Variants in PLEKHG1 observed in about 807,000 individuals in gnomAD.
The protein encoded by PLEKHG1 is pleckstrin homology and RhoGEF domain containing G1.
PLEKHG1 carries 44 observed loss-of-function variants against 100.8 expected under a neutral mutation model. That is an observed-to-expected ratio of 0.44 (90% CI 0.34 to 0.56). PLEKHG1 has a LOEUF of 0.56. PLEKHG1 is among the 20% of genes least tolerant of loss of function. The probability of loss-of-function intolerance (pLI) is 0.01; values close to 1 mark genes in which losing one functional copy is unlikely to be tolerated. For missense variants in PLEKHG1, 1,545 were observed against 1,720.9 expected, an observed-to-expected ratio of 0.90 and a Z score of 1.81; for synonymous variants, 640 against 662.5, an observed-to-expected ratio of 0.97 and a Z score of 0.52.
chr6:150,650,368 A>G (rs1582883401), intron 2 of PLEKHG1, among the ~76,000 whole-genome samples: 1 of 152,306 alleles, frequency 6.6e-6, no homozygotes, highest in Non-Finnish European at 1.5e-5. Context: ...GGTTTCTGGC[A>G]AGTCACTGAA....
intron 3 of PLEKHG1, among the ~76,000 whole-genome samples, chr6:150,671,370 T>C (rs555448721): frequency 7.2e-5 from 11 of 152,286 alleles, no homozygotes; most frequent in Admixed American, 4.6e-4. Flanking sequence ...GTAGAAGTGT[T>C]CCCTGTTCAC....
At chr6:150,606,884 A>G (rs1311219235) in intron 1 of PLEKHG1, among the ~76,000 whole-genome samples, 1 of 151,976 alleles carries the variant, frequency 6.6e-6, no homozygotes, top group Non-Finnish European at 1.5e-5. Flanking sequence ...GGCATTCTTC[A>G]GCTCCTCCCA....
chr6:150,813,071 G>A (rs995067235), intron 10 of PLEKHG1, among the ~76,000 whole-genome samples: 1 of 151,926 alleles, frequency 6.6e-6, no homozygotes, highest in Non-Finnish European at 1.5e-5. Context: ...TTTGGGAGGC[G>A]GAGGCGGGCA....
intron 2 of PLEKHG1, among the ~76,000 whole-genome samples, chr6:150,747,547 GA>G (rs756586897): frequency 1.1e-4 from 17 of 152,128 alleles, no homozygotes; most frequent in Non-Finnish European, 1.9e-4. Flanking sequence ...CAGCTTTCAT[GA>G]AATTTTTTAA....
intron 7 of PLEKHG1, among the ~76,000 whole-genome samples, chr6:150,806,122 G>GAATA (rs1362371374): frequency 6.7e-6 from 1 of 149,976 alleles, no homozygotes; most frequent in South Asian, 2.1e-4. Context: ...TCATAAGTCA[G>GAATA]AATAAACTCT....
intron 14 of PLEKHG1, among the ~76,000 whole-genome samples, chr6:150,824,741 G>A (rs1375340863): frequency 2.0e-5 from 3 of 152,040 alleles, no homozygotes; most frequent in African/African-American, 4.8e-5. Flanking sequence ...AGTTGGCAAC[G>A]CCAGTCTGGA....
intron 3 of PLEKHG1, among the ~76,000 whole-genome samples, chr6:150,701,456 T>TATATATAA (rs1780780278): frequency 1.2e-5 from 1 of 82,060 alleles, no homozygotes; most frequent in Middle Eastern, 4.7e-3. Flanking sequence ...TATATATATA[T>TATATATAA]ATATATATAT....
At position 150,817,592 on chromosome 6, in the gene PLEKHG1, C is replaced by G. The variant is rs565384802; in HGVS notation, c.1279-591C>G. Among the ~76,000 whole-genome samples, 333 of 134,546 alleles carry G rather than the reference C, an allele frequency of 2.5e-3. 4 individuals carry two copies. Among genetic ancestry groups the G allele is most frequent in the African/African-American group, 8.9e-3 (308 of 34,470 alleles). 88.3% of individuals were successfully genotyped at this position (134,546 alleles called of 152,430 possible). A position where few individuals can be genotyped will look rare whatever the true frequency, so the allele number is the denominator to read the frequency against. ...TTTTTTTTTGAGACGGAGTCTTGCTCTGTCGCCCAGGCTAGAGTGCAGTGG... is the reference window on the plus strand; with the variant it reads ...TTTTTTTTTGAGACGGAGTCTTGCTGTGTCGCCCAGGCTAGAGTGCAGTGG... On this transcript the variant is annotated intron_variant, in intron 10 of 15. Coordinates refer to ENST00000358517, the Ensembl canonical transcript of PLEKHG1.
intron 15 of PLEKHG1, among the ~76,000 whole-genome samples, chr6:150,832,545 A>T (rs1777007371): frequency 6.6e-6 from 1 of 152,168 alleles, no homozygotes; most frequent in South Asian, 2.1e-4. Context: ...CCAGTATATC[A>T]GTAATTTTTT....
chr6:150,821,501 T>A (rs1252954189), intron 13 of PLEKHG1, among the ~76,000 whole-genome samples: 8 of 152,026 alleles, frequency 5.3e-5, no homozygotes, highest in Admixed American at 5.2e-4. Flanking sequence ...CTGGCCAACA[T>A]GGTGAAACCC....
chr6:150,830,913 C>G, exon 15 of PLEKHG1: 1 of 1,614,132 alleles, frequency 6.2e-7, no homozygotes, highest in Non-Finnish European at 8.5e-7. Flanking sequence ...ACCTCCAGCT[C>G]TGGTCACAGG....
intron 3 of PLEKHG1, among the ~76,000 whole-genome samples, chr6:150,673,281 G>A (rs1474970958): frequency 1.3e-5 from 2 of 152,122 alleles, no homozygotes; most frequent in Non-Finnish European, 2.9e-5. Context: ...CTGTCTTCAA[G>A]CAAATGCACA....
chr6:150,802,314 G>A (rs1480238208), intron 6 of PLEKHG1, among the ~76,000 whole-genome samples: 7 of 151,682 alleles, frequency 4.6e-5, no homozygotes, highest in Non-Finnish European at 7.4e-5. Flanking sequence ...CTAAATCAGT[G>A]TCCAAATAAC....
intron 10 of PLEKHG1, among the ~76,000 whole-genome samples, chr6:150,815,333 C>T (rs1243990361): frequency 6.6e-6 from 1 of 152,066 alleles, no homozygotes; most frequent in Non-Finnish European, 1.5e-5. Flanking sequence ...AGTGGAAATC[C>T]TGGAAACAGT....
At chr6:150,711,697 G>A (rs1221116959) in intron 3 of PLEKHG1, among the ~76,000 whole-genome samples, 1 of 152,148 alleles carries the variant, frequency 6.6e-6, no homozygotes, top group Non-Finnish European at 1.5e-5. Flanking sequence ...CATAAAGGCA[G>A]GGGTGTTTAT....
intron 3 of PLEKHG1, chr6:150,651,957 A>G (rs555045188): frequency 1.3e-5 from 2 of 152,332 alleles, no homozygotes; most frequent in African/African-American, 4.8e-5. Flanking sequence ...GCAGATTAAC[A>G]TACATAAAGA....
chr6:150,782,395 A>G (rs1785362583), intron 3 of PLEKHG1, among the ~76,000 whole-genome samples: 1 of 152,142 alleles, frequency 6.6e-6, no homozygotes, highest in Non-Finnish European at 1.5e-5. Context: ...CTCTGTCTCA[A>G]AAAAATAATA....
At chr6:150,826,374 C>G (rs968379754) in intron 14 of PLEKHG1, among the ~76,000 whole-genome samples, 1 of 152,190 alleles carries the variant, frequency 6.6e-6, no homozygotes, top group Non-Finnish European at 1.5e-5. Context: ...AGGAGAATCA[C>G]TTGAACCCGG....
chr6:150,683,903 G>A lies in PLEKHG1; in HGVS notation c.-99+33117G>A, dbSNP rs774396319. 170 of 1,045,776 alleles carry A rather than the reference G, an allele frequency of 1.6e-4. No individual in the cohort carries two copies. Among genetic ancestry groups the A allele is most frequent in the Non-Finnish European group, 2.1e-4 (164 of 792,300 alleles). The allele number at this position is 1,045,776 out of a possible 1,614,324, so 64.8% of individuals were successfully genotyped here. On this transcript the variant is annotated intron_variant, in intron 3 of 3. Transcript: ENST00000367326. The surrounding 1 kb of genome is among the most constrained non-coding windows in gnomAD (Gnocchi z 4.0). ...TGGAGGTAAGATGGAGCGATCCTAT[G>A]GTTTGGCACCTGCAGCCAGGGTGGT... is the stretch of plus-strand genomic sequence containing the variant.
Sources: gnomAD v4.1 joint callset for allele counts (sites outside exome capture counted in the v4.1 genomes callset) on GRCh38, gnomAD v4.1.1 for gene constraint, Gnocchi (gnomAD v3.1) non-coding constraint, MANE v1.5 for transcripts, NCBI Gene and HGNC (gene_info 2026-07-23, HGNC 2026-07-21) for gene names.